The following JPH3 variants were observed in gnomAD, a reference collection of about 807,000 sequenced individuals.
JPH3 encodes the protein junctophilin-3.
JPH3 carries 11 observed loss-of-function variants against 59.6 expected under a neutral mutation model. The observed-to-expected ratio is 0.18, with a 90% CI of 0.12 to 0.31. JPH3 has a LOEUF of 0.31. Ranked by LOEUF, JPH3 falls within the 10% of genes least tolerant of loss-of-function variation. JPH3 has a pLI of 1.00. For missense variants in JPH3, 1,202 were observed against 1,105.7 expected, an observed-to-expected ratio of 1.09 and a Z score of -1.24; for synonymous variants, 673 against 483.6, an observed-to-expected ratio of 1.39 and a Z score of -5.14.
chr16:87,692,174 C>T (rs1302691762), intron 4 of JPH3, among the ~76,000 whole-genome samples: 1 of 139,234 alleles, frequency 7.2e-6, no homozygotes, highest in South Asian at 2.3e-4. Context: ...CCCTGGGGTA[C>T]CTGGTGCTGG....
At chr16:87,648,219 C>T (rs2032215605) in intron 2 of JPH3, among the ~76,000 whole-genome samples, 1 of 151,740 alleles carries the variant, frequency 6.6e-6, no homozygotes, top group South Asian at 2.1e-4. Context: ...GCTGTGCTTT[C>T]TCAATGGACT....
intron 1 of JPH3, among the ~76,000 whole-genome samples, chr16:87,613,446 G>T (rs1473688601): frequency 6.6e-6 from 1 of 151,846 alleles, no homozygotes; most frequent in Non-Finnish European, 1.5e-5. Context: ...TCTGCCTCCC[G>T]AGTAGCTGGG....
chr16:87,669,951 C>A (rs972022296), intron 2 of JPH3, among the ~76,000 whole-genome samples: 1 of 152,106 alleles, frequency 6.6e-6, no homozygotes, highest in Admixed American at 6.5e-5. Flanking sequence ...TGTGCCTGCC[C>A]GCCTGTGTCA....
intron 2 of JPH3, among the ~76,000 whole-genome samples, chr16:87,675,038 A>T (rs924488241): frequency 1.3e-5 from 2 of 152,142 alleles, no homozygotes; most frequent in Non-Finnish European, 2.9e-5. Context: ...CTGGGATTAC[A>T]CGTGTGAGCC....
In JPH3 at chr16:87,689,897, G is replaced by A. The variant is rs920244359; in HGVS notation, c.1537G>A (p.Gly513Arg). The A allele has an allele frequency of 6.8e-6, 10 of 1,469,936 alleles. No homozygotes were observed. The Admixed American group carries it at 7.2e-5, about 11-fold the overall frequency. 91.1% of individuals were successfully genotyped at this position (1,469,936 alleles called of 1,614,324 possible). The stretch of plus-strand genomic sequence containing the variant: ...GGTGTCGGTGGACGAGGAGCGGGGC[G>A]GGGACATCCAGATGCTCCTGGAGGG... ...RQVSVDEERG[G>R]DIQMLLEGRA... Residue 513 changes from glycine to arginine, a missense_variant, in exon 4 of 5, where the codon GGG (glycine) becomes AGG (arginine). By Grantham distance (125) the Gly-to-Arg change is moderately radical. Transcript: ENST00000284262.
intron 2 of JPH3, among the ~76,000 whole-genome samples, chr16:87,656,769 C>G (rs1409737647): frequency 6.6e-6 from 1 of 152,170 alleles, no homozygotes; most frequent in Non-Finnish European, 1.5e-5. Flanking sequence ...TGCCTTGTGG[C>G]TCAGCTTGGA....
chr16:87,689,627 G>T lies in JPH3; in HGVS notation c.1286-19G>T, dbSNP rs549554709. ...GTGCTGGGTAACGCCGTCTGGCGTC[G>T]TCTTGTGTCCCCATACAGGGCTGGA... On this transcript the variant is annotated intron_variant, in intron 3 of 4. Transcript: ENST00000284262. 3 of 1,609,138 alleles carry T rather than the reference G, an allele frequency of 1.9e-6. No homozygotes were observed. Among genetic ancestry groups the T allele is most frequent in the East Asian group, 2.2e-5 (1 of 44,598 alleles).
At chr16:87,687,232 C>T (rs1209122451) in intron 3 of JPH3, among the ~76,000 whole-genome samples, 1 of 152,118 alleles carries the variant, frequency 6.6e-6, no homozygotes, top group Non-Finnish European at 1.5e-5. Flanking sequence ...CAGCCAGGAG[C>T]TGAGGTCACC....
intron 1 of JPH3, among the ~76,000 whole-genome samples, chr16:87,637,391 GGAGAGA>G (rs149512628): frequency 1.7e-4 from 14 of 84,112 alleles, no homozygotes; most frequent in African/African-American, 2.1e-4. Flanking sequence ...ATGTTATGGG[GGAGAGA>G]GAGAGAGAGA....
intron 1 of JPH3, among the ~76,000 whole-genome samples, chr16:87,634,301 G>C (rs562657489): frequency 1.3e-5 from 2 of 152,252 alleles, no homozygotes; most frequent in African/African-American, 4.8e-5. Context: ...GGGCATCCTG[G>C]GCAGAGAGTG....
At chr16:87,680,621 C>A (rs547148493) in intron 2 of JPH3, among the ~76,000 whole-genome samples, 1 of 152,054 alleles carries the variant, frequency 6.6e-6, no homozygotes, top group Non-Finnish European at 1.5e-5. Flanking sequence ...CCCAGGTGAG[C>A]TCAGATGCCC....
chr16:87,672,161 C>A (rs1169721000), intron 2 of JPH3, among the ~76,000 whole-genome samples: 1 of 152,000 alleles, frequency 6.6e-6, no homozygotes, highest in African/African-American at 2.4e-5. Context: ...GGCACTGAGT[C>A]TAAACATAGG....
rs919589979 is a variant in JPH3 at position 87,604,014 on chromosome 16, G to A, written c.382+486G>A. The A allele has an allele frequency of 1.5e-5, 14 of 909,524 alleles. No individual in the cohort carries two copies. The African/African-American group carries it at 2.5e-4, about 16-fold the overall frequency. 56.3% of individuals were successfully genotyped at this position (909,524 alleles called of 1,614,324 possible). On this transcript the variant is annotated intron_variant, in intron 1 of 4. Transcript: ENST00000284262. ...AGCCCCGAATCTGCCCAAGCCGAGAGAAAGGGAGTGATGGGGAGCGCTAGG... is the reference window on the plus strand; with the variant it reads ...AGCCCCGAATCTGCCCAAGCCGAGAAAAAGGGAGTGATGGGGAGCGCTAGG...
chr16:87,696,458 T>A, intron 4 of JPH3, 122 bp from the exon 5 acceptor site: 1 of 787,372 alleles, frequency 1.3e-6, no homozygotes, highest in Non-Finnish European at 2.2e-6. Flanking sequence ...TCTAACATCC[T>A]CCCGTACGCT....
Position 87,689,727 on chromosome 16 carries a change from A to G in JPH3, c.1367A>G (p.Glu456Gly), listed in dbSNP as rs1567615831. Residue 456 changes from glutamate to glycine, a missense_variant, in exon 4 of 5, where the codon GAG (glutamate) becomes GGG (glycine). Glu to Gly is a moderately conservative substitution (Grantham distance 98). Transcript: ENST00000284262. ...VLSTGTPLQQESPELYRKGTT... is the reference protein window; with the variant it reads ...VLSTGTPLQQGSPELYRKGTT... ...TCCACCGGGACACCCCTGCAGCAGG[A>G]GAGCCCCGAGCTGTACCGCAAGGGC... 2.5e-6 allele frequency: 4 copies of G among 1,612,362 alleles called. No individual in the cohort carries two copies. The highest frequency in any genetic ancestry group is 1.7e-5 in the Admixed American group (1 of 59,978).
At chr16:87,683,583 C>T (rs1256687229) in intron 2 of JPH3, among the ~76,000 whole-genome samples, 5 of 151,672 alleles carry the variant, frequency 3.3e-5, no homozygotes, top group South Asian at 2.1e-4. Context: ...GGATTACAGG[C>T]GTGAGCCACT....
Position 87,685,541 on chromosome 16 carries a change from G to A in JPH3, c.1285+1275G>A, listed in dbSNP as rs376075333. Among the ~76,000 whole-genome samples the A allele has an allele frequency of 3.2e-4, 48 of 152,380 alleles. No individual in the cohort carries two copies. The East Asian group carries it at 5.0e-3, about 16-fold the overall frequency. On this transcript the variant is annotated intron_variant, in intron 3 of 4. Transcript: ENST00000284262. ...GTGGGGCGCACACTTGGGGGCACAC[G>A]TGTAGCGTGCACGTGCATGTGGGGA...
intron 1 of JPH3, 97 bp from the exon 2 acceptor site, chr16:87,644,161 C>A: frequency 7.7e-7 from 1 of 1,291,972 alleles, no homozygotes; most frequent in South Asian, 1.4e-5. Flanking sequence ...CAACAGGAAG[C>A]TCAGACAGGA....
rs780105821 is a variant in JPH3, at chr16:87,696,633, C to G, written c.2220C>G (p.Ala740=). Residue 740 remains alanine (A), a synonymous_variant, in exon 5 of 5, where the codon GCC becomes GCG. Coordinates refer to ENST00000284262, the MANE Select transcript of JPH3 (RefSeq NM_020655.4). ...VMVILLNIGV[A]ILFINFFI Reference sequence around the variant, plus strand: ...TGATCTTGCTCAACATCGGAGTCGCCATTCTGTTTATTAACTTTTTCATCT... The same window carrying G: ...TGATCTTGCTCAACATCGGAGTCGCGATTCTGTTTATTAACTTTTTCATCT... 4 of 1,613,522 alleles carry G rather than the reference C, an allele frequency of 2.5e-6. No individual in the cohort carries two copies. In the African/African-American group the frequency reaches 5.3e-5, roughly 22 times the overall value.
Sources: allele counts gnomAD v4.1 joint callset (sites outside exome capture counted in the v4.1 genomes callset), GRCh38; gene constraint gnomAD v4.1.1; transcripts MANE v1.5; gene names NCBI Gene and HGNC (gene_info 2026-07-23, HGNC 2026-07-21).